ABCA1: variants seen among roughly 807,000 people sequenced by gnomAD.
ABCA1 encodes phospholipid-transporting ATPase ABCA1.
A neutral mutation model predicts 262.5 loss-of-function variants in ABCA1; 133 were observed. The ratio of observed to expected loss-of-function variants is 0.51; its 90% CI spans 0.44 to 0.59. The LOEUF (loss-of-function observed/expected upper bound fraction) is 0.59, where lower values mean the gene tolerates loss of function less well. Ranked by LOEUF, ABCA1 falls within the 20% of genes least tolerant of loss-of-function variation. ABCA1 has a pLI of 0.00. For missense variants in ABCA1, 2,452 were observed against 2,777.5 expected (o/e 0.88, Z 2.63); for synonymous variants, 1,022 against 1,043.5 (o/e 0.98, Z 0.40).
chr9:104,848,636 G>A (rs1835111048), intron 7 of ABCA1, among the ~76,000 whole-genome samples: 1 of 150,532 alleles, frequency 6.6e-6, no homozygotes. Context: ...AAAAAATGCA[G>A]ATTCTCAACC....
At chr9:104,901,704 G>A (rs953036575) in intron 2 of ABCA1, among the ~76,000 whole-genome samples, 5 of 152,138 alleles carry the variant, frequency 3.3e-5, no homozygotes, top group Non-Finnish European at 5.9e-5. Flanking sequence ...ACTGAAAAGC[G>A]ATTAGGCACA....
chr9:104,839,422 G>A (rs12342847), intron 9 of ABCA1, among the ~76,000 whole-genome samples: 2,241 of 152,272 alleles, frequency 0.015, 34 homozygotes, highest in African/African-American at 0.037. Flanking sequence ...ATGAAATGTG[G>A]GGTTAAAGAA....
intron 1 of ABCA1, among the ~76,000 whole-genome samples, chr9:104,920,976 A>T (rs7035444): frequency 0.024 from 3,615 of 152,318 alleles, 146 homozygotes; most frequent in African/African-American, 0.083. Context: ...TCAGATATCC[A>T]TTAGTAATAA....
intron 45 of ABCA1, 59 bp downstream of exon 45, chr9:104,788,367 A>G (rs1463144687): frequency 6.2e-7 from 1 of 1,611,714 alleles, no homozygotes; most frequent in Middle Eastern, 1.7e-4. Context: ...GAAAAGCCAT[A>G]AGGTATATAT....
chr9:104,878,579 G>C (rs542246341), intron 5 of ABCA1, among the ~76,000 whole-genome samples: 1 of 152,020 alleles, frequency 6.6e-6, no homozygotes, highest in South Asian at 2.1e-4. Flanking sequence ...CCCCCTTCTG[G>C]GTCAGATTCT....
intron 7 of ABCA1, chr9:104,855,695 AG>A: frequency 6.6e-7 from 1 of 1,509,966 alleles, no homozygotes. Context: ...GAGAAAACTG[AG>A]GCTTACAGGG....
At chr9:104,864,879 C>T (rs1740202566) in intron 5 of ABCA1, among the ~76,000 whole-genome samples, 1 of 152,202 alleles carries the variant, frequency 6.6e-6, no homozygotes, top group South Asian at 2.1e-4. Flanking sequence ...AAGATGAGAA[C>T]ATCTGGATGT....
chr9:104,878,023 C>T (rs1838300302), intron 5 of ABCA1, among the ~76,000 whole-genome samples: 1 of 152,054 alleles, frequency 6.6e-6, no homozygotes, highest in South Asian at 2.1e-4. Flanking sequence ...AGTTCTCATC[C>T]ACGTACTGCC....
intron 22 of ABCA1, among the ~76,000 whole-genome samples, chr9:104,819,352 T>C (rs2045446424): frequency 6.6e-6 from 1 of 152,182 alleles, no homozygotes; most frequent in Admixed American, 6.5e-5. Context: ...CATTTAAGCA[T>C]CCACCCTTTC....
intron 22 of ABCA1, 93 bp downstream of exon 22, chr9:104,819,493 C>T (rs1473057073): frequency 4.5e-6 from 7 of 1,568,124 alleles, no homozygotes; most frequent in African/African-American, 1.4e-5. Context: ...CCCATGGCTT[C>T]ACAGAAGCCT....
At chr9:104,795,943 G>C in intron 39 of ABCA1, 110 bp downstream of exon 39, 1 of 1,458,130 alleles carries the variant, frequency 6.9e-7, no homozygotes. Context: ...GGACAAGGCA[G>C]TCAGCAGTGT....
chr9:104,885,324 A>G (rs1431760614), intron 3 of ABCA1, among the ~76,000 whole-genome samples: 1 of 152,196 alleles, frequency 6.6e-6, no homozygotes, highest in Non-Finnish European at 1.5e-5. Flanking sequence ...TAGAACCCCC[A>G]TCTCCATGGT....
chr9:104,814,308 A>G, intron 26 of ABCA1, 77 bp from the exon 27 acceptor site: 7 of 1,561,372 alleles, frequency 4.5e-6, no homozygotes, highest in Non-Finnish European at 6.2e-6. Flanking sequence ...CAACAAACCT[A>G]CACTCTACAA....
intron 36 of ABCA1, 79 bp from the exon 37 acceptor site, chr9:104,798,677 GACAA>G (rs1830094069): frequency 8.0e-7 from 1 of 1,257,706 alleles, no homozygotes; most frequent in Admixed American, 1.9e-5. Context: ...TGGACACACA[GACAA>G]ACACACACGT....
intron 45 of ABCA1, 57 bp downstream of exon 45, chr9:104,788,369 G>T: frequency 6.2e-7 from 1 of 1,612,042 alleles, no homozygotes; most frequent in Non-Finnish European, 8.5e-7. Flanking sequence ...AAAGCCATAA[G>T]GTATATATTG....
intron 5 of ABCA1, among the ~76,000 whole-genome samples, chr9:104,870,799 A>G (rs1334988046): frequency 6.6e-6 from 1 of 152,000 alleles, no homozygotes; most frequent in East Asian, 1.9e-4. Flanking sequence ...GCCGTTTTAT[A>G]GGATTTGGGA....
intron 41 of ABCA1, 119 bp downstream of exon 41, chr9:104,793,052 T>C: frequency 3.8e-6 from 6 of 1,584,796 alleles, no homozygotes; most frequent in South Asian, 1.1e-5. Flanking sequence ...ATCAGGAAAA[T>C]CAGTTTTATC....
At chr9:104,861,383 A>T in intron 6 of ABCA1, 1 of 569,646 alleles carries the variant, frequency 1.8e-6, no homozygotes, top group Non-Finnish European at 3.1e-6. Flanking sequence ...TTTTAAGTTT[A>T]ACTCAACTTA....
intron 41 of ABCA1, 56 bp downstream of exon 41, chr9:104,793,115 G>T (rs1829572638): frequency 6.2e-7 from 1 of 1,610,124 alleles, no homozygotes; most frequent in Non-Finnish European, 8.5e-7. Flanking sequence ...GTTTCCCTGT[G>T]CGCCTCCTCT....
Sources: gnomAD v4.1 joint callset for allele counts (sites outside exome capture counted in the v4.1 genomes callset) on GRCh38, gnomAD v4.1.1 for gene constraint, MANE v1.5 for transcripts, NCBI Gene and HGNC (gene_info 2026-07-23, HGNC 2026-07-21) for gene names.